Variants in PNPT1 observed in about 807,000 individuals in gnomAD.
The protein encoded by PNPT1 is polyribonucleotide nucleotidyltransferase 1.
Under a neutral mutation model 119.5 loss-of-function variants are expected in PNPT1, and 53 were observed. The ratio of observed to expected loss-of-function variants is 0.44; its 90% confidence interval spans 0.36 to 0.56. The LOEUF (loss-of-function observed/expected upper bound fraction) is 0.56. PNPT1 is among the 20% of genes least tolerant of loss of function. The pLI is 0.00. For synonymous variants in PNPT1, 357 were observed against 322.1 expected (o/e 1.11, Z -1.16); for missense variants, 948 against 938.5 (o/e 1.01, Z -0.13).
In PNPT1 at chr2:55,686,652, A is replaced by G. The variant is rs1008232678; in HGVS notation, c.223-208T>C. Among the ~76,000 whole-genome samples the G allele has an allele frequency of 1.6e-4, 25 of 152,380 alleles. 1 individual carries two copies. Among genetic ancestry groups the G allele is most frequent in the African/African-American group, 4.6e-4 (19 of 41,598 alleles). ...ATGGAATCAAAATAAGGAAAGATTA[A>G]CAGGTAATTTAGTCATATTCAATGA... On this transcript the variant is annotated intron_variant, in intron 2 of 27. Transcript: ENST00000447944.
In PNPT1 at chr2:55,660,095, C is replaced by T. The variant is rs112706421; in HGVS notation, c.1284+62G>A. 1.7e-5 allele frequency: 25 copies of T among 1,468,824 alleles called. 1 individual carries two copies. In the African/African-American group the frequency reaches 2.1e-4, roughly 13 times the overall value. The allele number at this position is 1,468,824 out of a possible 1,614,324, so 91.0% of individuals were successfully genotyped here. The stretch of plus-strand genomic sequence containing the variant: ...CTCCAGCCTGGACAACAGGGTGAGA[C>T]CTCGTCTCACAAAAATTTATTAATT... On this transcript the variant is annotated intron_variant, in intron 15 of 27. Coordinates refer to ENST00000447944, the MANE Select transcript of PNPT1 (RefSeq NM_033109.5).
chr2:55,655,884 G>A (rs1696368153), intron 17 of PNPT1, among the ~76,000 whole-genome samples: 1 of 152,116 alleles, frequency 6.6e-6, no homozygotes, highest in Non-Finnish European at 1.5e-5. Flanking sequence ...TAAAAATAAA[G>A]AAACAAGCCA....
chr2:55,642,934 T>C (rs1010816761), intron 25 of PNPT1, among the ~76,000 whole-genome samples: 2 of 152,024 alleles, frequency 1.3e-5, no homozygotes, highest in Non-Finnish European at 2.9e-5. Flanking sequence ...CTGGGCAACA[T>C]AGTGAGACCA....
chr2:55,672,273 G>A (rs1294271434), intron 9 of PNPT1, among the ~76,000 whole-genome samples: 2 of 152,120 alleles, frequency 1.3e-5, no homozygotes, highest in Non-Finnish European at 2.9e-5. Context: ...ACCACATGTA[G>A]TATCCTGTTC....
Position 55,634,589 on chromosome 2 carries a change from C to G in PNPT1, c.*1648G>C, listed in dbSNP as rs949626387. On this transcript the variant is annotated 3_prime_UTR_variant, in exon 28 of 28. Transcript: ENST00000447944. ...TTTTTTTTTGAGATGGAGTTTTACTCTTTTTGCCCAGGCTGGAGTGCAGTG... is the reference window on the plus strand; with the variant it reads ...TTTTTTTTTGAGATGGAGTTTTACTGTTTTTGCCCAGGCTGGAGTGCAGTG... 7.1e-6 allele frequency: 1 copy of G among 140,418 alleles called. No homozygotes were observed. The highest frequency in any genetic ancestry group is 1.5e-5 in the Non-Finnish European group (1 of 64,604). 8.7% of individuals were successfully genotyped at this position (140,418 alleles called of 1,614,324 possible).
Position 55,671,390 on chromosome 2 carries a change from G to C in PNPT1, c.919-14C>G. ...ATCTCTGGAAACCTAAAAGAAAGTTGAGGTTCAGTTATTACATATACATGA... is the reference window on the plus strand; with the variant it reads ...ATCTCTGGAAACCTAAAAGAAAGTTCAGGTTCAGTTATTACATATACATGA... On this transcript the variant is annotated splice_polypyrimidine_tract_variant and intron_variant, in intron 10 of 27. Coordinates refer to ENST00000447944, the MANE Select transcript of PNPT1 (RefSeq NM_033109.5). 6.7e-7 allele frequency: 1 copy of C among 1,503,202 alleles called. No homozygotes were observed. Among genetic ancestry groups the C allele is most frequent in the Middle Eastern group, 1.8e-4 (1 of 5,412 alleles). 93.1% of individuals were successfully genotyped at this position (1,503,202 alleles called of 1,614,324 possible).
intron 1 of PNPT1, among the ~76,000 whole-genome samples, chr2:55,687,939 T>C (rs766819397): frequency 1.8e-4 from 28 of 152,172 alleles, no homozygotes; most frequent in Non-Finnish European, 3.1e-4. Flanking sequence ...GGAAAGTCTT[T>C]TGGAGGTTCA....
intron 15 of PNPT1, among the ~76,000 whole-genome samples, chr2:55,657,854 T>C (rs1323100754): frequency 4.5e-4 from 9 of 19,842 alleles, no homozygotes; most frequent in Admixed American, 3.4e-3. Flanking sequence ...ATAGATAGAC[T>C]GCAAAAAAAA....
intron 1 of PNPT1, among the ~76,000 whole-genome samples, chr2:55,691,274 G>A (rs550120914): frequency 2.0e-5 from 3 of 152,322 alleles, no homozygotes; most frequent in Admixed American, 6.5e-5. Context: ...TTGCTGAAAT[G>A]AAAATTAAAC....
chr2:55,679,588 C>A (rs878956063), intron 8 of PNPT1, 94 bp downstream of exon 8: 219 of 869,264 alleles, frequency 2.5e-4, no homozygotes, highest in African/African-American at 1.7e-5. Flanking sequence ...TTTATGGCTA[C>A]CGACAAAACA....
intron 13 of PNPT1, among the ~76,000 whole-genome samples, chr2:55,663,303 G>A (rs939306110): frequency 7.2e-5 from 11 of 152,210 alleles, no homozygotes; most frequent in African/African-American, 1.7e-4. Context: ...AAGAGTCAGT[G>A]AGCATGAAGA....
chr2:55,652,109 T>C (rs952644804), intron 18 of PNPT1, among the ~76,000 whole-genome samples: 2 of 152,216 alleles, frequency 1.3e-5, no homozygotes, highest in African/African-American at 4.8e-5. Flanking sequence ...CAGCCAATTA[T>C]GCTCAGCCTA....
chr2:55,646,510 A>G, intron 19 of PNPT1, 24 bp from the exon 20 acceptor site: 1 of 1,576,426 alleles, frequency 6.3e-7, no homozygotes, highest in Non-Finnish European at 8.6e-7. Context: ...AAAAGTTATG[A>G]CATAGTTTTA....
At chr2:55,658,729 G>A (rs1399006925) in intron 15 of PNPT1, among the ~76,000 whole-genome samples, 2 of 152,028 alleles carry the variant, frequency 1.3e-5, no homozygotes, top group African/African-American at 2.4e-5. Context: ...TCTGGCTTCT[G>A]TAGCACCAGG....
chr2:55,646,960 C>G (rs978049268), intron 19 of PNPT1, among the ~76,000 whole-genome samples: 2 of 152,018 alleles, frequency 1.3e-5, no homozygotes, highest in Non-Finnish European at 1.5e-5. Context: ...CTCAGCCTGC[C>G]AAGTAGATGG....
chr2:55,645,670 A>T (rs375573214), intron 21 of PNPT1, among the ~76,000 whole-genome samples: 1 of 152,142 alleles, frequency 6.6e-6, no homozygotes, highest in African/African-American at 2.4e-5. Context: ...GCGTGTATTC[A>T]TGTGTCCCAA....
chr2:55,659,655 G>C (rs1439582042), intron 15 of PNPT1, among the ~76,000 whole-genome samples: 1 of 151,776 alleles, frequency 6.6e-6, no homozygotes, highest in Non-Finnish European at 1.5e-5. Flanking sequence ...CTCTAAAGTA[G>C]TACTTTAGAG....
chr2:55,667,376 C>G (rs1441845540), intron 12 of PNPT1, among the ~76,000 whole-genome samples: 1 of 152,032 alleles, frequency 6.6e-6, no homozygotes, highest in Non-Finnish European at 1.5e-5. Flanking sequence ...AGGCGGATCA[C>G]GAGGTCAGGA....
chr2:55,679,809 G>C lies in PNPT1; in HGVS notation c.566-14C>G, dbSNP rs201253326. 24 of 1,546,458 alleles carry C rather than the reference G, an allele frequency of 1.6e-5. No homozygotes were observed. The highest frequency in any genetic ancestry group is 2.7e-5 in the African/African-American group (2 of 73,004). On this transcript the variant is annotated splice_polypyrimidine_tract_variant and intron_variant, in intron 7 of 27. Transcript: ENST00000447944. ...TTCGTACTGCCCCTAAAATGTATTA[G>C]AATATTGGCAACTGTTTAATGGAAA...
Sources: allele counts gnomAD v4.1 joint callset (sites outside exome capture counted in the v4.1 genomes callset), GRCh38; gene constraint gnomAD v4.1.1; transcripts MANE v1.5; gene names NCBI Gene and HGNC (gene_info 2026-07-23, HGNC 2026-07-21).